Variants in TCF20 observed in about 807,000 individuals in gnomAD.
TCF20 encodes the protein SPRE-binding protein.
TCF20 carries 3 observed loss-of-function variants against 148.6 expected under a neutral mutation model. That is an observed-to-expected ratio of 0.02 (90% CI 0.01 to 0.05). The LOEUF (loss-of-function observed/expected upper bound fraction) is 0.05. Among genes scored for constraint, TCF20 ranks in the 10% least tolerant of loss-of-function variants. TCF20 has a pLI of 1.00. For synonymous variants in TCF20, 1,049 were observed against 909.5 expected (o/e 1.15, Z -2.76); for missense variants, 2,350 against 2,429.3 (o/e 0.97, Z 0.69).
At chr22:42,307,957 T>C (rs1260291922) in intron 1 of TCF20, among the ~76,000 whole-genome samples, 1 of 152,228 alleles carries the variant, frequency 6.6e-6, no homozygotes, top group Non-Finnish European at 1.5e-5. Flanking sequence ...CCATATGTTA[T>C]TATAATGGCC....
At chr22:42,331,705 G>A (rs1327694145) in intron 1 of TCF20, among the ~76,000 whole-genome samples, 1 of 152,262 alleles carries the variant, frequency 6.6e-6, no homozygotes, top group Non-Finnish European at 1.5e-5. Flanking sequence ...AAAGCACTCT[G>A]CCAGGCACTG....
At chr22:42,231,034 T>C (rs1331353849) in intron 1 of TCF20, among the ~76,000 whole-genome samples, 2 of 151,858 alleles carry the variant, frequency 1.3e-5, no homozygotes, top group Non-Finnish European at 2.9e-5. Flanking sequence ...TAATGGCGTG[T>C]GCCTGTAGTA....
At chr22:42,173,316 A>G (rs2147070810) in intron 3 of TCF20, among the ~76,000 whole-genome samples, 1 of 151,808 alleles carries the variant, frequency 6.6e-6, no homozygotes, top group Admixed American at 6.6e-5. Flanking sequence ...TCCTGTGCCT[A>G]TGACATAACA....
chr22:42,164,331 C>T (rs908034038), intron 5 of TCF20, among the ~76,000 whole-genome samples: 7 of 151,532 alleles, frequency 4.6e-5, no homozygotes, highest in Admixed American at 4.6e-4. Flanking sequence ...TCTCCTGCCT[C>T]AGTCTCCCGA....
intron 1 of TCF20, among the ~76,000 whole-genome samples, chr22:42,249,106 C>G (rs1018664792): frequency 6.6e-6 from 1 of 152,186 alleles, no homozygotes; most frequent in Non-Finnish European, 1.5e-5. Flanking sequence ...CTTCTGCTGC[C>G]TTGGACATCA....
intron 1 of TCF20, among the ~76,000 whole-genome samples, chr22:42,326,297 A>AC (rs1371815577): frequency 3.9e-5 from 6 of 152,066 alleles, no homozygotes; most frequent in African/African-American, 1.2e-4. Context: ...TCTGCCCCCC[A>AC]CAGGAGTTGT....
chr22:42,340,467 C>T (rs1229188902), intron 1 of TCF20, among the ~76,000 whole-genome samples: 1 of 152,184 alleles, frequency 6.6e-6, no homozygotes, highest in African/African-American at 2.4e-5. Context: ...GGCCCTCAGC[C>T]ATCACCAGAC....
chr22:42,213,736 A>T lies in TCF20; in HGVS notation c.1570T>A (p.Ser524Thr), dbSNP rs1437017809. The T allele has an allele frequency of 1.2e-6, 2 of 1,614,082 alleles. No homozygotes were observed. The highest frequency in any genetic ancestry group is 1.1e-5 in the South Asian group (1 of 91,080). ...PMAESLDGGC[S>T]SSSEDQGERV... ...TCGCCTTGATCCTCTGAACTGCTGG[A>T]GCAGCCTCCATCTAATGACTCTGCC... The change falls in exon 2 of 6, where the codon TCC becomes ACC. Residue 524 changes from serine to threonine, a missense_variant. Transcript: ENST00000677622.
intron 1 of TCF20, among the ~76,000 whole-genome samples, chr22:42,309,807 A>C (rs897182617): frequency 2.0e-5 from 3 of 152,188 alleles, no homozygotes; most frequent in Admixed American, 6.5e-5. Flanking sequence ...TCGTCTGCAG[A>C]ATAGGGGTGA....
chr22:42,216,042 T>C (rs1021270004), intron 1 of TCF20, among the ~76,000 whole-genome samples: 63 of 139,248 alleles, frequency 4.5e-4, no homozygotes, highest in African/African-American at 1.7e-3. Context: ...CTCCCAGTTA[T>C]GCGGGGGAGG....
At position 42,168,726 on chromosome 22, in the gene TCF20, G is replaced by A. The variant is rs139743509; in HGVS notation, c.5810C>T (p.Pro1937Leu). 146 of 1,609,796 alleles carry A rather than the reference G, an allele frequency of 9.1e-5. No homozygotes were observed. Among genetic ancestry groups the A allele is most frequent in the Admixed American group, 2.5e-4 (15 of 59,660 alleles). ...GTTCTGCAAGGGGGGGAGAGGGCAC[G>A]GAAGGGGAGGCTGACACGGGCAAAA... is the stretch of plus-strand genomic sequence containing the variant. ...VRCPKHKPPL[P>L]CPLPPLQNKT... Residue 1937 changes from proline to leucine, a missense_variant, in exon 5 of 6, where the codon CCG becomes CTG. Coordinates refer to ENST00000677622, the MANE Select transcript of TCF20 (RefSeq NM_001378418.1).
chr22:42,172,400 T>C (rs1466898819), intron 3 of TCF20, among the ~76,000 whole-genome samples: 1 of 152,198 alleles, frequency 6.6e-6, no homozygotes, highest in Non-Finnish European at 1.5e-5. Context: ...TCTCTCAATC[T>C]GTGTTCTTCA....
intron 3 of TCF20, among the ~76,000 whole-genome samples, chr22:42,171,235 G>A (rs1007754183): frequency 1.1e-3 from 167 of 152,232 alleles, no homozygotes; most frequent in African/African-American, 3.8e-3. Flanking sequence ...TGCAAAACGC[G>A]GTGGCAGAAT....
chr22:42,217,610 C>A (rs1405567121), intron 1 of TCF20, among the ~76,000 whole-genome samples: 2 of 152,172 alleles, frequency 1.3e-5, no homozygotes, highest in Admixed American at 6.5e-5. Flanking sequence ...AGAACTAGGC[C>A]TTAGAGAACT....
chr22:42,170,422 T>TC (rs966135374), intron 3 of TCF20, among the ~76,000 whole-genome samples: 1 of 151,054 alleles, frequency 6.6e-6, no homozygotes, highest in Non-Finnish European at 1.5e-5. Context: ...GTGAGAAGAC[T>TC]GCTTGAGCCC....
intron 5 of TCF20, among the ~76,000 whole-genome samples, chr22:42,161,862 G>C (rs1324407308): frequency 6.6e-6 from 1 of 151,538 alleles, no homozygotes; most frequent in Non-Finnish European, 1.5e-5. Flanking sequence ...TCGCTCTGTC[G>C]CCTTGGCTCC....
upstream of TCF20, among the ~76,000 whole-genome samples, chr22:42,271,972 C>T (rs1926637316): frequency 6.6e-6 from 1 of 151,894 alleles, no homozygotes; most frequent in Non-Finnish European, 1.5e-5. Flanking sequence ...CTCAGGGTCC[C>T]AGGCAGAGCC....
chr22:42,340,822 C>G (rs1369225436), intron 1 of TCF20, among the ~76,000 whole-genome samples: 8 of 151,412 alleles, frequency 5.3e-5, no homozygotes, highest in Non-Finnish European at 1.2e-4. Flanking sequence ...TCCCCATCAA[C>G]GCAATAAAGA....
intron 1 of TCF20, among the ~76,000 whole-genome samples, chr22:42,267,292 C>T (rs369782795): frequency 1.4e-4 from 21 of 152,120 alleles, no homozygotes; most frequent in African/African-American, 4.3e-4. Flanking sequence ...AAAAACAAAA[C>T]CAATTTGAGT....
Sources: gnomAD v4.1 joint callset for allele counts (sites outside exome capture counted in the v4.1 genomes callset) on GRCh38, gnomAD v4.1.1 for gene constraint, MANE v1.5 for transcripts, NCBI Gene and HGNC (gene_info 2026-07-23, HGNC 2026-07-21) for gene names.